Variants in SYNPO2 observed in about 807,000 individuals in gnomAD.
SYNPO2 encodes synaptopodin-2.
In SYNPO2, 56 loss-of-function variants were observed where a neutral mutation model predicts 85.0. The observed-to-expected ratio is 0.66, with a 90% CI of 0.53 to 0.82. The LOEUF is 0.82. Ranked by LOEUF, SYNPO2 falls within the 40% of genes least tolerant of loss-of-function variation. The pLI is 0.00. For synonymous variants in SYNPO2, 602 were observed against 591.1 expected, an observed-to-expected ratio of 1.02 and a Z score of -0.27; for missense variants, 1,575 against 1,534.2, an observed-to-expected ratio of 1.03 and a Z score of -0.44.
At chr4:119,037,902 A>G (rs1379753290) in intron 4 of SYNPO2, 1 of 179,706 alleles carries the variant, frequency 5.6e-6, no homozygotes, top group Non-Finnish European at 1.1e-5. Flanking sequence ...ATGTTAAGTA[A>G]TGGCCCCTGG....
At chr4:118,930,053 C>T (rs116159608) in intron 1 of SYNPO2, among the ~76,000 whole-genome samples, 18 of 152,138 alleles carry the variant, frequency 1.2e-4, no homozygotes, top group African/African-American at 4.1e-4. Flanking sequence ...AGATAATCTG[C>T]TGTTTAAATA....
At chr4:119,028,648 G>T (rs1025956074) in intron 3 of SYNPO2, among the ~76,000 whole-genome samples, 1 of 151,992 alleles carries the variant, frequency 6.6e-6, no homozygotes, top group Non-Finnish European at 1.5e-5. Flanking sequence ...TAGAAAATTC[G>T]ATCACCAGTA....
chr4:119,030,347 T>C lies in SYNPO2; in HGVS notation c.1572T>C (p.Ala524=). Residue 524 remains alanine, a synonymous_variant, in exon 4 of 5, where the codon GCT becomes GCC. Coordinates refer to ENST00000307142, the MANE Select transcript of SYNPO2 (RefSeq NM_133477.3). ...GAACGCCAAGCAGAGAACAAGATGC[T>C]GCCCAGACCGATGGCCTGAGAACCA... ...VGGTPSREQD[A]AQTDGLRTTT... 5 of 1,614,060 alleles carry C rather than the reference T, an allele frequency of 3.1e-6. No individual in the cohort carries two copies. Among genetic ancestry groups the C allele is most frequent in the Non-Finnish European group, 3.4e-6 (4 of 1,180,032 alleles).
chr4:119,032,034 A>G lies in SYNPO2; in HGVS notation c.3252+7A>G. On this transcript the variant is annotated splice_region_variant and intron_variant, in intron 4 of 4. Coordinates refer to ENST00000307142, the MANE Select transcript of SYNPO2 (RefSeq NM_133477.3). ...AAGTGGTGTCACAATTCAGGTGTGG[A>G]AACCATCTGTTGTGGAAGAGTAATC... 1 of 1,613,736 alleles carries G rather than the reference A, an allele frequency of 6.2e-7. No individual in the cohort carries two copies. The highest frequency in any genetic ancestry group is 8.5e-7 in the Non-Finnish European group (1 of 1,179,830).
chr4:118,989,012 C>T (rs1355641110), intron 1 of SYNPO2, among the ~76,000 whole-genome samples: 1 of 152,126 alleles, frequency 6.6e-6, no homozygotes, highest in African/African-American at 2.4e-5. Flanking sequence ...AAAAAAAGAA[C>T]AAGGTGGTCA....
intron 1 of SYNPO2, among the ~76,000 whole-genome samples, chr4:119,016,250 C>A (rs1824333): frequency 0.46 from 70,249 of 151,768 alleles, 16,637 homozygotes; most frequent in East Asian, 0.59. Context: ...GGCAAAACCC[C>A]ATCTCTACTA....
chr4:119,042,005 A>G (rs1738730678), intron 4 of SYNPO2: 1 of 152,204 alleles, frequency 6.6e-6, no homozygotes, highest in South Asian at 2.1e-4. Flanking sequence ...TAAAACCCAT[A>G]AATAGTTTTC....
intron 1 of SYNPO2, among the ~76,000 whole-genome samples, chr4:118,879,208 C>T (rs1053653203): frequency 2.4e-4 from 37 of 152,150 alleles, no homozygotes; most frequent in African/African-American, 7.7e-4. Flanking sequence ...TAACACTCAC[C>T]GATAAGGGTC....
chr4:118,924,960 C>T (rs1443196518), intron 1 of SYNPO2, among the ~76,000 whole-genome samples: 1 of 152,150 alleles, frequency 6.6e-6, no homozygotes, highest in Non-Finnish European at 1.5e-5. Context: ...GCCCTAGGCA[C>T]GTAAAGTCTA....
In SYNPO2 at chr4:118,889,106, G is replaced by C. The variant is rs1296948862; in HGVS notation, c.70G>C (p.Gly24Arg). ...GAPWGFRLQG[G>R]KEQKQPLQVA... Reference sequence around the variant, plus strand: ...GCCCTGGGGGTTCAGATTGCAAGGTGGCAAGGAGCAGAAGCAGCCCTTACA... The same window carrying C: ...GCCCTGGGGGTTCAGATTGCAAGGTCGCAAGGAGCAGAAGCAGCCCTTACA... The change falls in exon 1 of 5, where the codon GGC becomes CGC. Residue 24 changes from glycine to arginine, a missense_variant. By Grantham distance (125) the Gly-to-Arg change is moderately radical (BLOSUM62 -2). Coordinates refer to ENST00000307142, the MANE Select transcript of SYNPO2 (RefSeq NM_133477.3). The C allele has an allele frequency of 6.2e-7, 1 of 1,614,166 alleles. No individual in the cohort carries two copies.
At chr4:119,043,767 A>C (rs1460039650) in intron 4 of SYNPO2, 1 of 151,938 alleles carries the variant, frequency 6.6e-6, no homozygotes, top group Non-Finnish European at 1.5e-5. Flanking sequence ...GTGAAACCCC[A>C]CCTCTATTAA....
At chr4:118,976,240 G>C (rs1188637672) in intron 1 of SYNPO2, among the ~76,000 whole-genome samples, 1 of 152,006 alleles carries the variant, frequency 6.6e-6, no homozygotes, top group African/African-American at 2.4e-5. Context: ...GGTCTCGCTG[G>C]CTCAGGAGTG....
chr4:118,958,648 T>A (rs987100529), intron 1 of SYNPO2, among the ~76,000 whole-genome samples: 2 of 152,154 alleles, frequency 1.3e-5, no homozygotes, highest in African/African-American at 4.8e-5. Flanking sequence ...TTGCAATGTG[T>A]CCACAGTTGT....
chr4:118,969,151 T>TTATGATAAACACAACA (rs1403717167), intron 1 of SYNPO2, among the ~76,000 whole-genome samples: 2 of 152,124 alleles, frequency 1.3e-5, no homozygotes, highest in African/African-American at 4.8e-5. Flanking sequence ...CAACACTCTG[T>TTATGATAAACACAACA]CTCTGGTGGG....
chr4:118,884,528 G>A (rs1287365223), upstream of SYNPO2, among the ~76,000 whole-genome samples: 1 of 152,206 alleles, frequency 6.6e-6, no homozygotes, highest in Non-Finnish European at 1.5e-5. Flanking sequence ...GATTGCCTTA[G>A]ATCAACACTG....
chr4:119,057,435 C>A lies in SYNPO2; in HGVS notation c.3287C>A (p.Ser1096Ter). The A allele has an allele frequency of 6.2e-7, 1 of 1,603,406 alleles. No individual in the cohort carries two copies. The highest frequency in any genetic ancestry group is 8.5e-7 in the Non-Finnish European group (1 of 1,176,330). ...CGCTCCCTTTCTCTTCCTGGAAGATCAGTCCCACCCCCCATTTCTACATCT... is the reference window on the plus strand; with the variant it reads ...CGCTCCCTTTCTCTTCCTGGAAGATAAGTCCCACCCCCCATTTCTACATCT... ...SGRSLSLPGR[S>*]VPPPISTSPW... The change falls in exon 5 of 5, where the codon TCA (serine) becomes TAA (stop). Residue 1096 changes from serine (S) to a stop codon, truncating the protein, a stop_gained. Transcript: ENST00000307142. LOFTEE classifies it low-confidence loss of function (END_TRUNC).
chr4:119,033,628 C>T (rs1288587452), intron 4 of SYNPO2: 1 of 985,264 alleles, frequency 1.0e-6, no homozygotes, highest in African/African-American at 1.7e-5. Flanking sequence ...GTACACAGTA[C>T]CATTTTAATC....
chr4:118,862,461 T>G (rs1731626540), intron 1 of SYNPO2, among the ~76,000 whole-genome samples: 1 of 152,226 alleles, frequency 6.6e-6, no homozygotes, highest in Non-Finnish European at 1.5e-5. Context: ...TAGCTATGGA[T>G]CTATCATACA....
At chr4:118,923,381 C>G (rs1424116162) in intron 1 of SYNPO2, among the ~76,000 whole-genome samples, 1 of 151,820 alleles carries the variant, frequency 6.6e-6, no homozygotes, top group Non-Finnish European at 1.5e-5. Flanking sequence ...CAACAGACAC[C>G]AGGGCCTATT....
Sources: allele counts gnomAD v4.1 joint callset (sites outside exome capture counted in the v4.1 genomes callset), GRCh38; gene constraint gnomAD v4.1.1; transcripts MANE v1.5; gene names NCBI Gene and HGNC (gene_info 2026-07-23, HGNC 2026-07-21).